TMEFF2: variants seen among roughly 807,000 people sequenced by gnomAD.
The protein encoded by TMEFF2 is transmembrane protein with EGF like and two follistatin like domains 2.
TMEFF2 carries 28 observed loss-of-function variants against 53.8 expected under a neutral mutation model. The observed-to-expected ratio is 0.52, with a 90% CI of 0.39 to 0.71. TMEFF2 has a LOEUF of 0.71. TMEFF2 is among the 30% of genes least tolerant of loss of function. The pLI is 0.00. For synonymous variants in TMEFF2, 162 were observed against 166.3 expected (o/e 0.97, Z 0.20); for missense variants, 353 against 455.2 (o/e 0.78, Z 2.04).
intron 5 of TMEFF2, among the ~76,000 whole-genome samples, chr2:192,048,320 G>A (rs1224637656): frequency 1.3e-5 from 2 of 149,670 alleles, no homozygotes; most frequent in East Asian, 2.0e-4. Context: ...TTCAAGATAA[G>A]TGGTTTTGTT....
At chr2:191,985,308 T>C (rs1032364647) in intron 7 of TMEFF2, among the ~76,000 whole-genome samples, 2 of 152,130 alleles carry the variant, frequency 1.3e-5, no homozygotes, top group African/African-American at 4.8e-5. Flanking sequence ...TGATAATTTG[T>C]CCCAAGTATT....
chr2:192,010,703 A>G (rs1686606537), intron 5 of TMEFF2, among the ~76,000 whole-genome samples: 1 of 152,232 alleles, frequency 6.6e-6, no homozygotes, highest in African/African-American at 2.4e-5. Context: ...AAGGAGGAAA[A>G]CAAATATTCA....
chr2:191,999,760 TG>T (rs567273525), intron 5 of TMEFF2, among the ~76,000 whole-genome samples: 1 of 151,904 alleles, frequency 6.6e-6, no homozygotes, highest in African/African-American at 2.4e-5. Flanking sequence ...CTTAACATTT[TG>T]GGGGGGCCAC....
intron 4 of TMEFF2, among the ~76,000 whole-genome samples, chr2:192,170,675 G>T (rs1690887310): frequency 6.6e-6 from 1 of 151,942 alleles, no homozygotes; most frequent in Admixed American, 6.6e-5. Flanking sequence ...TGCAGAATAG[G>T]TTTGTGGAAG....
intron 8 of TMEFF2, among the ~76,000 whole-genome samples, chr2:191,955,533 T>TTTTTTTTTTTG: frequency 7.5e-6 from 1 of 133,930 alleles, no homozygotes; most frequent in African/African-American, 2.8e-5. Context: ...AATTTTTTTT[T>TTTTTTTTTTTG]TTTTTTTTTT....
At chr2:192,193,201 G>A (rs1048799282) in intron 1 of TMEFF2, among the ~76,000 whole-genome samples, 1 of 152,136 alleles carries the variant, frequency 6.6e-6, no homozygotes, top group Non-Finnish European at 1.5e-5. Flanking sequence ...TTTAACTACA[G>A]CAAAATTATA....
intron 4 of TMEFF2, among the ~76,000 whole-genome samples, chr2:192,075,316 T>TATATATATATATAA (rs1688401734): frequency 8.3e-6 from 1 of 120,570 alleles, no homozygotes; most frequent in Non-Finnish European, 1.7e-5. Context: ...TATATATATA[T>TATATATATATATAA]ATATATATAT....
intron 4 of TMEFF2, among the ~76,000 whole-genome samples, chr2:192,092,453 A>G (rs965504805): frequency 1.3e-5 from 2 of 152,184 alleles, no homozygotes; most frequent in African/African-American, 4.8e-5. Flanking sequence ...ATGATGTTCC[A>G]TATTTTACAG....
chr2:192,023,558 G>T lies in TMEFF2; in HGVS notation c.537-24350C>A, dbSNP rs184834437. On this transcript the variant is annotated intron_variant, in intron 5 of 9. Transcript: ENST00000272771. ...TCCTTATGTTCTTCAAAATAGGCTG[G>T]AGGTAGGGGTGGGCACTCTTTGTTT... Among the ~76,000 whole-genome samples the T allele has an allele frequency of 1.2e-4, 18 of 152,298 alleles. No individual in the cohort carries two copies. In the East Asian group the frequency reaches 3.3e-3, roughly 28 times the overall value.
intron 4 of TMEFF2, among the ~76,000 whole-genome samples, chr2:192,172,629 A>C (rs1690944060): frequency 6.6e-6 from 1 of 152,014 alleles, no homozygotes; most frequent in Admixed American, 6.6e-5. Flanking sequence ...TTAGATAAAC[A>C]AAGGGGAAAA....
chr2:192,017,744 C>T (rs758401500), intron 5 of TMEFF2, among the ~76,000 whole-genome samples: 1 of 152,198 alleles, frequency 6.6e-6, no homozygotes, highest in Non-Finnish European at 1.5e-5. Flanking sequence ...AAATTTATTT[C>T]TCCAGGCCAG....
At chr2:191,981,392 C>T (rs546210166) in intron 7 of TMEFF2, among the ~76,000 whole-genome samples, 2 of 152,284 alleles carry the variant, frequency 1.3e-5, no homozygotes, top group Admixed American at 6.5e-5. Flanking sequence ...TTCTGAAACA[C>T]TCTTGACTTC....
At chr2:191,990,272 CT>C (rs1056719361) in intron 7 of TMEFF2, among the ~76,000 whole-genome samples, 1 of 152,038 alleles carries the variant, frequency 6.6e-6, no homozygotes, top group Admixed American at 6.6e-5. Context: ...TATTTTAAGA[CT>C]TTTTTAGTTG....
chr2:191,982,610 A>T (rs533528028), intron 7 of TMEFF2, among the ~76,000 whole-genome samples: 5 of 152,306 alleles, frequency 3.3e-5, no homozygotes, highest in African/African-American at 1.2e-4. Flanking sequence ...CCAGTGAACA[A>T]TTTGACTGAC....
At chr2:192,030,136 C>T (rs754698862) in intron 5 of TMEFF2, among the ~76,000 whole-genome samples, 2 of 152,180 alleles carry the variant, frequency 1.3e-5, no homozygotes, top group Non-Finnish European at 2.9e-5. Context: ...AGGTTATTCT[C>T]AGAAGGCTTG....
intron 4 of TMEFF2, among the ~76,000 whole-genome samples, chr2:192,088,840 CTTGTCCCTTCTTACA>C: frequency 6.6e-6 from 1 of 152,120 alleles, no homozygotes; most frequent in Non-Finnish European, 1.5e-5. Flanking sequence ...TTCACCTACC[CTTGTCCCTTCTTACA>C]GAAGTCTTTC....
chr2:192,081,176 A>G (rs1057104190), intron 4 of TMEFF2, among the ~76,000 whole-genome samples: 1 of 152,226 alleles, frequency 6.6e-6, no homozygotes, highest in Non-Finnish European at 1.5e-5. Flanking sequence ...TTTTTCTAGT[A>G]GCAGCTTGCT....
intron 4 of TMEFF2, among the ~76,000 whole-genome samples, chr2:192,082,974 T>TTG (rs1305589149): frequency 6.6e-6 from 1 of 151,764 alleles, no homozygotes; most frequent in Non-Finnish European, 1.5e-5. Context: ...TTTTTTTTTT[T>TTG]TCCGAACATG....
Position 192,075,285 on chromosome 2 carries a change from TTATATATATATATATATA to T in TMEFF2, c.440-17528_440-17511del, listed in dbSNP as rs111733023. Among the ~76,000 whole-genome samples the T allele has an allele frequency of 5.2e-3, 342 of 65,758 alleles. 19 individuals carry two copies. The highest frequency in any genetic ancestry group is 0.02 in the African/African-American group (323 of 16,182). 43.1% of individuals were successfully genotyped at this position (65,758 alleles called of 152,430 possible). A position where few individuals can be genotyped will look rare whatever the true frequency, so the allele number is the denominator to read the frequency against. On this transcript the variant is annotated intron_variant, in intron 4 of 9. Coordinates refer to ENST00000272771, the MANE Select transcript of TMEFF2 (RefSeq NM_016192.4). ...TTATTATACCCAGAGTACAGTACTA[TTATATATATATATATATA>T]TATATATATATATATATATATATAT...
Sources: gnomAD v4.1 joint callset for allele counts (sites outside exome capture counted in the v4.1 genomes callset) on GRCh38, gnomAD v4.1.1 for gene constraint, MANE v1.5 for transcripts, NCBI Gene and HGNC (gene_info 2026-07-23, HGNC 2026-07-21) for gene names.